Variants in STXBP5L observed in about 807,000 individuals in gnomAD.
STXBP5L encodes syntaxin-binding protein 5-like.
STXBP5L carries 65 observed loss-of-function variants against 144.5 expected under a neutral mutation model. The ratio of observed to expected loss-of-function variants is 0.45; its 90% confidence interval spans 0.37 to 0.55. The LOEUF is 0.55. Ranked by LOEUF, STXBP5L falls within the 20% of genes least tolerant of loss-of-function variation. STXBP5L has a pLI of 0.00. For synonymous variants in STXBP5L, 505 were observed against 469.6 expected, an observed-to-expected ratio of 1.08 and a Z score of -0.97; for missense variants, 1,298 against 1,405.5, an observed-to-expected ratio of 0.92 and a Z score of 1.22.
intron 10 of STXBP5L, among the ~76,000 whole-genome samples, chr3:121,220,653 A>G (rs2048945904): frequency 1.3e-5 from 2 of 152,090 alleles, no homozygotes; most frequent in African/African-American, 4.8e-5. Context: ...TGGTTTTGCA[A>G]GTGCAAATTA....
At chr3:121,077,004 C>G (rs1240431736) in intron 5 of STXBP5L, among the ~76,000 whole-genome samples, 1 of 152,158 alleles carries the variant, frequency 6.6e-6, no homozygotes, top group Non-Finnish European at 1.5e-5. Context: ...CCCATACTCT[C>G]CTTGGAGCAC....
At chr3:121,147,791 T>A (rs1012962849) in intron 7 of STXBP5L, among the ~76,000 whole-genome samples, 1 of 152,166 alleles carries the variant, frequency 6.6e-6, no homozygotes, top group African/African-American at 2.4e-5. Context: ...GCTGAAGGCC[T>A]GAATAGAACA....
rs553724488 is a variant in STXBP5L, at chr3:121,378,335, A to T, written c.2177-381A>T. On this transcript the variant is annotated intron_variant, in intron 20 of 26. Coordinates refer to ENST00000471454, the MANE Select transcript of STXBP5L (RefSeq NM_001308330.2). ...CATGTATCCCAGAACTTAAAGTAAA[A>T]TTTTTTTTAAAATGCTTCTATTCTA... 4.6e-5 allele frequency among the ~76,000 whole-genome samples: 7 copies of T among 152,124 alleles called. No homozygotes were observed. The South Asian group carries it at 8.3e-4, about 18-fold the overall frequency.
At chr3:121,065,174 C>G (rs1439219401) in intron 5 of STXBP5L, among the ~76,000 whole-genome samples, 2 of 151,872 alleles carry the variant, frequency 1.3e-5, no homozygotes, top group Non-Finnish European at 2.9e-5. Context: ...CATGTCCTTG[C>G]TATTATGAAT....
At chr3:121,131,764 T>C (rs891302484) in intron 7 of STXBP5L, among the ~76,000 whole-genome samples, 5 of 152,206 alleles carry the variant, frequency 3.3e-5, no homozygotes, top group Non-Finnish European at 5.9e-5. Flanking sequence ...AGGAGTGATA[T>C]CAGCAAAGTG....
chr3:121,228,587 C>A (rs141862642), intron 11 of STXBP5L, among the ~76,000 whole-genome samples: 124 of 152,224 alleles, frequency 8.1e-4, no homozygotes, highest in Middle Eastern at 3.4e-3. Context: ...AGCAATTGAA[C>A]CTTTGTTGGC....
intron 20 of STXBP5L, among the ~76,000 whole-genome samples, chr3:121,364,699 CT>C (rs1247109008): frequency 6.6e-6 from 1 of 151,662 alleles, no homozygotes; most frequent in African/African-American, 2.4e-5. Flanking sequence ...GTATTTTATT[CT>C]TTTTCATGCT....
At chr3:121,135,936 G>T (rs954889472) in intron 7 of STXBP5L, among the ~76,000 whole-genome samples, 2 of 152,198 alleles carry the variant, frequency 1.3e-5, no homozygotes, top group African/African-American at 4.8e-5. Flanking sequence ...GCTACTGAAG[G>T]CCTTAGCATG....
chr3:121,154,261 G>C (rs2046040010), intron 8 of STXBP5L, among the ~76,000 whole-genome samples: 1 of 151,668 alleles, frequency 6.6e-6, no homozygotes, highest in Non-Finnish European at 1.5e-5. Flanking sequence ...TGTTTTAACA[G>C]AGATAGTTAA....
At chr3:121,301,371 C>T (rs980630068) in intron 19 of STXBP5L, among the ~76,000 whole-genome samples, 2 of 152,098 alleles carry the variant, frequency 1.3e-5, no homozygotes, top group South Asian at 2.1e-4. Context: ...TATAAGAATG[C>T]TTGTGATTTT....
intron 20 of STXBP5L, among the ~76,000 whole-genome samples, chr3:121,378,081 A>C (rs1178237254): frequency 6.6e-6 from 1 of 151,914 alleles, no homozygotes; most frequent in Non-Finnish European, 1.5e-5. Context: ...AGAAAACCAA[A>C]CACCACATGT....
intron 22 of STXBP5L, among the ~76,000 whole-genome samples, chr3:121,383,201 C>T (rs1392322855): frequency 6.6e-6 from 1 of 151,916 alleles, no homozygotes; most frequent in African/African-American, 2.4e-5. Context: ...CTTTGGGAGG[C>T]CAAGGTAGGA....
chr3:121,115,542 G>C (rs1009446498), intron 6 of STXBP5L, among the ~76,000 whole-genome samples: 2 of 152,040 alleles, frequency 1.3e-5, no homozygotes, highest in Admixed American at 6.6e-5. Flanking sequence ...TTACCACTTT[G>C]GCTTTGGCAC....
chr3:121,182,697 A>G (rs1054600953), intron 9 of STXBP5L, among the ~76,000 whole-genome samples: 2 of 152,242 alleles, frequency 1.3e-5, no homozygotes, highest in Non-Finnish European at 2.9e-5. Flanking sequence ...CAAAAGATAA[A>G]TGAAACAAAA....
At chr3:120,929,723 T>A (rs750641285) in intron 2 of STXBP5L, among the ~76,000 whole-genome samples, 1 of 152,164 alleles carries the variant, frequency 6.6e-6, no homozygotes, top group Non-Finnish European at 1.5e-5. Context: ...CACCTAGTAG[T>A]ATATAACTGT....
At chr3:121,211,335 G>A (rs868854556) in intron 10 of STXBP5L, among the ~76,000 whole-genome samples, 109 of 152,148 alleles carry the variant, frequency 7.2e-4, no homozygotes, top group Middle Eastern at 6.8e-3. Context: ...GGGCTGAGAC[G>A]ATGGGGTTTT....
intron 3 of STXBP5L, among the ~76,000 whole-genome samples, chr3:120,980,090 C>G (rs1247193957): frequency 6.6e-6 from 1 of 152,080 alleles, no homozygotes; most frequent in Non-Finnish European, 1.5e-5. Flanking sequence ...GAAAAAAATA[C>G]TTGATTTCAA....
intron 9 of STXBP5L, among the ~76,000 whole-genome samples, chr3:121,189,751 T>A (rs563951214): frequency 4.6e-5 from 7 of 152,264 alleles, no homozygotes; most frequent in African/African-American, 1.7e-4. Context: ...TTTTTGTTTG[T>A]TTGTTATTTG....
intron 7 of STXBP5L, among the ~76,000 whole-genome samples, chr3:121,129,179 A>G (rs560631768): frequency 1.3e-4 from 20 of 152,154 alleles, no homozygotes; most frequent in Non-Finnish European, 2.4e-4. Flanking sequence ...CTCCAAATGT[A>G]TAATTTGACA....
Sources: allele counts gnomAD v4.1 joint callset (sites outside exome capture counted in the v4.1 genomes callset), GRCh38; gene constraint gnomAD v4.1.1; transcripts MANE v1.5; gene names NCBI Gene and HGNC (gene_info 2026-07-23, HGNC 2026-07-21).